The following PAK5 variants were observed in gnomAD, a reference collection of about 807,000 sequenced individuals.
PAK5 encodes the protein serine/threonine-protein kinase PAK 5.
PAK5 carries 16 observed loss-of-function variants against 65.9 expected under a neutral mutation model. The observed-to-expected ratio is 0.24, with a 90% CI of 0.16 to 0.37. The LOEUF is 0.37. Among genes scored for constraint, PAK5 ranks in the 10% least tolerant of loss-of-function variants. PAK5 has a pLI of 1.00. For missense variants in PAK5, 785 were observed against 903.9 expected (o/e 0.87, Z 1.69); for synonymous variants, 371 against 354.9 (o/e 1.05, Z -0.51).
intron 2 of PAK5, among the ~76,000 whole-genome samples, chr20:9,661,064 C>T (rs188261009): frequency 5.3e-5 from 8 of 152,240 alleles, no homozygotes; most frequent in Non-Finnish European, 1.2e-4. Context: ...CTGATGTGCA[C>T]TCAAGTCTGA....
intron 3 of PAK5, among the ~76,000 whole-genome samples, chr20:9,598,172 A>AT (rs1406360040): frequency 6.6e-6 from 1 of 151,908 alleles, no homozygotes; most frequent in Non-Finnish European, 1.5e-5. Context: ...ATGTTTTCTC[A>AT]TTGTTCAGCT....
At chr20:9,768,240 C>A (rs6056850) in intron 1 of PAK5, among the ~76,000 whole-genome samples, 1 of 151,464 alleles carries the variant, frequency 6.6e-6, no homozygotes, top group Non-Finnish European at 1.5e-5. Context: ...CAGGGGTACA[C>A]GTGCAGGGTT....
At chr20:9,692,718 AT>A (rs1180326286) in intron 2 of PAK5, among the ~76,000 whole-genome samples, 1 of 152,174 alleles carries the variant, frequency 6.6e-6, no homozygotes, top group African/African-American at 2.4e-5. Flanking sequence ...ATTTTAAAAG[AT>A]TTAGGCATGG....
intron 1 of PAK5, among the ~76,000 whole-genome samples, chr20:9,833,148 A>G (rs1271712298): frequency 1.3e-5 from 2 of 152,212 alleles, no homozygotes. Context: ...TTGGAGGGTC[A>G]TGTAAACAGA....
intron 2 of PAK5, among the ~76,000 whole-genome samples, chr20:9,705,979 A>T (rs1285346900): frequency 6.6e-6 from 1 of 152,106 alleles, no homozygotes; most frequent in Non-Finnish European, 1.5e-5. Flanking sequence ...TGCAACACAG[A>T]CCCAGGAGTA....
chr20:9,550,146 G>A lies in PAK5; in HGVS notation c.1744-5652C>T, dbSNP rs572080793. 6.6e-5 allele frequency among the ~76,000 whole-genome samples: 10 copies of A among 152,302 alleles called. No individual in the cohort carries two copies. The East Asian group carries it at 1.7e-3, about 26-fold the overall frequency. ...AATGCTACTGTCTTCCATGGCCTGT[G>A]TGGGATGTGCAGGGGTTCGGAAGTT... On this transcript the variant is annotated intron_variant, in intron 7 of 9. Transcript: ENST00000353224.
chr20:9,649,730 G>T (rs973050198), intron 2 of PAK5, among the ~76,000 whole-genome samples: 1 of 152,054 alleles, frequency 6.6e-6, no homozygotes, highest in Non-Finnish European at 1.5e-5. Context: ...TGCTGGTTGG[G>T]GTGATGGCGC....
chr20:9,560,252 T>G (rs566662635), intron 6 of PAK5, among the ~76,000 whole-genome samples: 2 of 152,342 alleles, frequency 1.3e-5, no homozygotes, highest in East Asian at 3.9e-4. Context: ...TTCTACTTCT[T>G]TCCTATAGGA....
chr20:9,728,026 C>T (rs1221501030), intron 1 of PAK5, among the ~76,000 whole-genome samples: 1 of 131,590 alleles, frequency 7.6e-6, no homozygotes, highest in Non-Finnish European at 1.7e-5. Context: ...GTGTATGTGT[C>T]CCCCCAAAAA....
rs1357403633 is a variant in PAK5, at chr20:9,838,199, ACG to A, written c.-162+561_-162+562del. Among the ~76,000 whole-genome samples the A allele has an allele frequency of 9.1e-6, 1 of 109,894 alleles. No individual in the cohort carries two copies. The highest frequency in any genetic ancestry group is 3.1e-4 in the South Asian group (1 of 3,246). 72.1% of individuals were successfully genotyped at this position (109,894 alleles called of 152,430 possible). ...CCACCAGGCGCGCGCGCACACACACACGCGCGCACACACACACACACACAAAT... is the reference window on the plus strand; with the variant it reads ...CCACCAGGCGCGCGCGCACACACACACGCGCACACACACACACACACAAAT... On this transcript the variant is annotated intron_variant, in intron 1 of 9. Transcript: ENST00000353224. The surrounding 1 kb of genome is among the most constrained non-coding windows in gnomAD (Gnocchi z 4.5).
intron 1 of PAK5, among the ~76,000 whole-genome samples, chr20:9,727,954 C>T (rs999782686): frequency 6.6e-6 from 1 of 152,048 alleles, no homozygotes; most frequent in Admixed American, 6.6e-5. Context: ...GACTCATTTT[C>T]TTTTATTGGA....
At chr20:9,553,338 T>G (rs189115535) in intron 7 of PAK5, among the ~76,000 whole-genome samples, 5 of 152,290 alleles carry the variant, frequency 3.3e-5, no homozygotes, top group African/African-American at 1.2e-4. Flanking sequence ...TCTGGGAGAC[T>G]GTGTAGAACA....
Position 9,767,057 on chromosome 20 carries a change from T to C in PAK5, c.-161-55622A>G, listed in dbSNP as rs180870997. On this transcript the variant is annotated intron_variant, in intron 1 of 9. Coordinates refer to ENST00000353224, the MANE Select transcript of PAK5 (RefSeq NM_177990.4). Reference sequence around the variant, plus strand: ...AAATACACAGACCTGAGGGTATATATTGACAGACTGCGGGGAGCTGGATTC... The same window carrying C: ...AAATACACAGACCTGAGGGTATATACTGACAGACTGCGGGGAGCTGGATTC... Among the ~76,000 whole-genome samples the C allele has an allele frequency of 1.8e-3, 268 of 152,252 alleles. 1 individual carries two copies. The highest frequency in any genetic ancestry group is 6.8e-3 in the Middle Eastern group (2 of 294).
At chr20:9,560,533 A>C (rs1293860911) in intron 6 of PAK5, among the ~76,000 whole-genome samples, 1 of 151,934 alleles carries the variant, frequency 6.6e-6, no homozygotes, top group Non-Finnish European at 1.5e-5. Context: ...CTAATTTTTA[A>C]ATTTTTTTAA....
At chr20:9,663,418 G>T (rs2047372741) in intron 2 of PAK5, among the ~76,000 whole-genome samples, 1 of 152,108 alleles carries the variant, frequency 6.6e-6, no homozygotes, top group Non-Finnish European at 1.5e-5. Flanking sequence ...AAATAGCATT[G>T]TCATTTCCCT....
rs963777612 is a variant in PAK5, at chr20:9,566,436, A to G, written c.991-52T>C. Reference sequence around the variant, plus strand: ...TATTCACATGCTGGATCTGAATGCCACAGCCGAGTGGTGAGTGAGCTGACT... The same window carrying G: ...TATTCACATGCTGGATCTGAATGCCGCAGCCGAGTGGTGAGTGAGCTGACT... On this transcript the variant is annotated intron_variant, in intron 4 of 9. Transcript: ENST00000353224. 4 of 1,549,588 alleles carry G rather than the reference A, an allele frequency of 2.6e-6. No individual in the cohort carries two copies. The African/African-American group carries it at 4.1e-5, about 16-fold the overall frequency.
At chr20:9,682,951 C>G (rs1797615637) in intron 2 of PAK5, among the ~76,000 whole-genome samples, 1 of 152,236 alleles carries the variant, frequency 6.6e-6, no homozygotes, top group African/African-American at 2.4e-5. Flanking sequence ...GTAGGATTTA[C>G]TCTAACTCCA....
intron 3 of PAK5, among the ~76,000 whole-genome samples, chr20:9,583,528 C>G (rs1033689526): frequency 6.6e-6 from 1 of 152,180 alleles, no homozygotes; most frequent in South Asian, 2.1e-4. Context: ...TCCTGCACCC[C>G]CTTCAATGAG....
intron 1 of PAK5, among the ~76,000 whole-genome samples, chr20:9,758,291 G>A (rs1307007581): frequency 6.6e-6 from 1 of 152,092 alleles, no homozygotes; most frequent in Non-Finnish European, 1.5e-5. Context: ...ATTAACAGAA[G>A]TATAGAATCC....
Sources: gnomAD v4.1 joint callset for allele counts (sites outside exome capture counted in the v4.1 genomes callset) on GRCh38, gnomAD v4.1.1 for gene constraint, Gnocchi (gnomAD v3.1) non-coding constraint, MANE v1.5 for transcripts, NCBI Gene and HGNC (gene_info 2026-07-23, HGNC 2026-07-21) for gene names.